CEP63: variants seen among roughly 807,000 people sequenced by gnomAD.
CEP63 encodes the protein centrosomal protein of 63 kDa.
In CEP63, 84 loss-of-function variants were observed where a neutral mutation model predicts 89.1. The observed-to-expected ratio is 0.94, with a 90% CI of 0.79 to 1.13. The LOEUF is 1.13. CEP63 is among the 50% of genes most tolerant of loss of function. CEP63 has a pLI of 0.00. For synonymous variants in CEP63, 267 were observed against 272.5 expected, an observed-to-expected ratio of 0.98 and a Z score of 0.20; for missense variants, 838 against 813.3, an observed-to-expected ratio of 1.03 and a Z score of -0.37.
Position 134,562,929 on chromosome 3 carries a change from C to G in CEP63, c.*1394C>G, listed in dbSNP as rs1957473977. The G allele has an allele frequency of 6.6e-6, 1 of 152,334 alleles. No individual in the cohort carries two copies. Among genetic ancestry groups the G allele is most frequent in the Non-Finnish European group, 1.5e-5 (1 of 68,142 alleles). The allele number at this position is 152,334 out of a possible 1,614,324, so 9.4% of individuals were successfully genotyped here. A position where few individuals can be genotyped will look rare whatever the true frequency, so the allele number is the denominator to read the frequency against. On this transcript the variant is annotated 3_prime_UTR_variant, in exon 15 of 15. Transcript: ENST00000675561. The stretch of plus-strand genomic sequence containing the variant: ...ATTCTCTTCCCTAGAAGTTTCCATT[C>G]CATTCTCAAGCTCTTAATACCACCT...
At chr3:134,668,405 T>C in the CEP63 span, among the ~76,000 whole-genome samples, 1 of 152,174 alleles carries the variant, frequency 6.6e-6, no homozygotes, top group South Asian at 2.1e-4. Context: ...CCAAGCTGTC[T>C]ACCTCGGCCT....
the CEP63 span, among the ~76,000 whole-genome samples, chr3:134,763,293 ATTG>A: frequency 1.5e-4 from 23 of 151,946 alleles, no homozygotes; most frequent in African/African-American, 5.1e-4. Flanking sequence ...ATGTATTCTC[ATTG>A]TTCAATTCCC....
the CEP63 span, among the ~76,000 whole-genome samples, chr3:134,611,670 C>T: frequency 6.6e-6 from 1 of 152,230 alleles, no homozygotes; most frequent in African/African-American, 2.4e-5. Context: ...GTCCCCAACT[C>T]AGTGGTGACC....
the CEP63 span, among the ~76,000 whole-genome samples, chr3:134,764,126 TTTAG>T: frequency 6.6e-6 from 1 of 152,172 alleles, no homozygotes; most frequent in Admixed American, 6.5e-5. Context: ...AGCAAACAAG[TTTAG>T]TTTCATATTT....
the CEP63 span, chr3:134,650,823 AC>A: frequency 6.3e-7 from 1 of 1,581,590 alleles, no homozygotes; most frequent in Non-Finnish European, 8.6e-7. Context: ...GGCGCGCGTT[AC>A]CTCCTCCGCG....
chr3:134,584,154 T>G (rs894780584), intron 10 of CEP63, among the ~76,000 whole-genome samples: 1 of 152,190 alleles, frequency 6.6e-6, no homozygotes, highest in African/African-American at 2.4e-5. Context: ...TTTTCCTAAT[T>G]GAATACCCTT....
the CEP63 span, among the ~76,000 whole-genome samples, chr3:134,766,280 A>G: frequency 6.6e-6 from 1 of 152,218 alleles, no homozygotes; most frequent in South Asian, 2.1e-4. Flanking sequence ...ATAGCCCTCC[A>G]GGATTCAGCA....
Position 134,508,446 on chromosome 3 carries a change from G to T in CEP63, c.222+1160G>T, listed in dbSNP as rs527532272. Among the ~76,000 whole-genome samples the T allele has an allele frequency of 5.9e-5, 9 of 152,274 alleles. 1 individual carries two copies. In the South Asian group the frequency reaches 1.9e-3, roughly 32 times the overall value. On this transcript the variant is annotated intron_variant, in intron 3 of 14. Transcript: ENST00000675561. ...TTTTAAAAATCATAATTTAGGCAGG[G>T]TCAATGTTCCTTTTATGGTAGGCTA...
the CEP63 span, among the ~76,000 whole-genome samples, chr3:134,633,509 T>G: frequency 1.3e-5 from 2 of 152,120 alleles, no homozygotes; most frequent in Non-Finnish European, 2.9e-5. Flanking sequence ...ACTACTAGGA[T>G]CACACCTATT....
the CEP63 span, among the ~76,000 whole-genome samples, chr3:134,775,108 T>G: frequency 6.6e-6 from 1 of 152,194 alleles, no homozygotes; most frequent in African/African-American, 2.4e-5. Context: ...AACATACCTT[T>G]ATTGTCTTCT....
the CEP63 span, among the ~76,000 whole-genome samples, chr3:134,595,448 C>G: frequency 2.0e-5 from 3 of 152,248 alleles, no homozygotes; most frequent in Non-Finnish European, 2.9e-5. Context: ...ACTAAACAGT[C>G]TCCTTCATTA....
chr3:134,571,671 A>G (rs1299027004), intron 11 of CEP63, among the ~76,000 whole-genome samples: 1 of 152,148 alleles, frequency 6.6e-6, no homozygotes, highest in Non-Finnish European at 1.5e-5. Flanking sequence ...ACAGAGCGAG[A>G]CTCTGTCTCA....
At chr3:134,629,844 A>G in the CEP63 span, 6 of 614,452 alleles carry the variant, frequency 9.8e-6, no homozygotes, top group Non-Finnish European at 1.8e-5. Context: ...TTAAATCAAA[A>G]CAACAACAAA....
At chr3:134,567,209 G>A (rs1186217965), downstream of CEP63, among the ~76,000 whole-genome samples, 1 of 150,194 alleles carries the variant, frequency 6.7e-6, no homozygotes, top group Non-Finnish European at 1.5e-5. Flanking sequence ...GCCCAGAATT[G>A]ACAAATCTGT....
intron 3 of CEP63, among the ~76,000 whole-genome samples, chr3:134,523,224 CT>C (rs1450687319): frequency 2.6e-5 from 4 of 152,020 alleles, no homozygotes; most frequent in Non-Finnish European, 4.4e-5. Flanking sequence ...CTGTTCATAT[CT>C]TTTGCCCAGT....
the CEP63 span, among the ~76,000 whole-genome samples, chr3:134,698,304 A>C: frequency 6.6e-6 from 1 of 152,242 alleles, no homozygotes; most frequent in African/African-American, 2.4e-5. Flanking sequence ...GGAAAGTTCT[A>C]CAGAGCTGGC....
chr3:134,585,400 T>C, intron 10 of CEP63, among the ~76,000 whole-genome samples: 1 of 152,156 alleles, frequency 6.6e-6, no homozygotes, highest in East Asian at 1.9e-4. Flanking sequence ...TTTGTTCTCA[T>C]TGGTTTCAAA....
the CEP63 span, among the ~76,000 whole-genome samples, chr3:134,753,482 C>T: frequency 1.3e-5 from 2 of 152,172 alleles, no homozygotes; most frequent in African/African-American, 4.8e-5. Context: ...CCTTGGTCTC[C>T]ATAGACCTCT....
At chr3:134,575,159 C>A (rs373940245), downstream of CEP63, 1 of 235,114 alleles carries the variant, frequency 4.3e-6, no homozygotes, top group South Asian at 2.3e-4. Context: ...TCCCTCCGTC[C>A]CCCTTCCCCT....
Sources: gnomAD v4.1 joint callset for allele counts (sites outside exome capture counted in the v4.1 genomes callset) on GRCh38, gnomAD v4.1.1 for gene constraint, MANE v1.5 for transcripts, NCBI Gene and HGNC (gene_info 2026-07-23, HGNC 2026-07-21) for gene names.